The following ANKLE2 variants were observed in gnomAD, a reference collection of about 807,000 sequenced individuals.
ANKLE2 encodes ankyrin repeat and LEM domain-containing protein 2.
A neutral mutation model predicts 84.2 loss-of-function variants in ANKLE2; 55 were observed. That is an observed-to-expected ratio of 0.65 (90% CI 0.53 to 0.82). The LOEUF (loss-of-function observed/expected upper bound fraction) is 0.82, where lower values mean the gene tolerates loss of function less well. ANKLE2 is among the 40% of genes least tolerant of loss of function. The probability of loss-of-function intolerance (pLI) is 0.00; values close to 1 mark genes in which losing one functional copy is unlikely to be tolerated. For synonymous variants in ANKLE2, 551 were observed against 486.1 expected (o/e 1.13, Z -1.76); for missense variants, 1,238 against 1,201.9 (o/e 1.03, Z -0.44).
chr12:132,735,179 G>A (rs2043982987), intron 9 of ANKLE2: 1 of 552,292 alleles, frequency 1.8e-6, no homozygotes, highest in Non-Finnish European at 3.2e-6. Flanking sequence ...ATTCCAATTA[G>A]AAAAGGAAAG....
In ANKLE2 at chr12:132,727,299, G is replaced by A. The variant is rs752553603; in HGVS notation, c.2760C>T (p.Pro920=). The A allele has an allele frequency of 2.6e-5, 40 of 1,566,096 alleles. No homozygotes were observed. The highest frequency in any genetic ancestry group is 4.7e-5 in the South Asian group (4 of 85,030). Residue 920 remains proline (P), a synonymous_variant, in exon 13 of 13, where the codon CCC becomes CCT. Transcript: ENST00000357997. The stretch of plus-strand genomic sequence containing the variant: ...TCCTGCGGAGCTGGCTCCCGTGCAC[G>A]GGGCTGTAGCGCCCAGGACTGCCCA... The part of the protein sequence containing the change: ...PGLGSPGRYS[P]VHGSQLRRMA...
chr12:132,733,232 T>C (rs12306408), intron 10 of ANKLE2, among the ~76,000 whole-genome samples: 9,434 of 116,090 alleles, frequency 0.081, 404 homozygotes, highest in East Asian at 0.37. Context: ...TGGTGTCTGA[T>C]ATGCACCGTG....
chr12:132,735,738 C>A lies in ANKLE2; in HGVS notation c.1594-226G>T, dbSNP rs543046377. Among the ~76,000 whole-genome samples, 15 of 151,680 alleles carry A rather than the reference C, an allele frequency of 9.9e-5. No homozygotes were observed. In the South Asian group the frequency reaches 2.9e-3, roughly 29 times the overall value. The stretch of plus-strand genomic sequence containing the variant: ...GGGGAGGCGGTCTCCTTTCTTGCAG[C>A]CCCGTCTGGGCTGTGAGGTTCAGAA... On this transcript the variant is annotated intron_variant, in intron 8 of 12. Transcript: ENST00000357997.
intron 8 of ANKLE2, among the ~76,000 whole-genome samples, chr12:132,735,922 C>T (rs927919390): frequency 5.3e-5 from 8 of 152,222 alleles, no homozygotes; most frequent in African/African-American, 1.9e-4. Flanking sequence ...TCTCACCTAA[C>T]CTTACCTGAT....
intron 10 of ANKLE2, 166 bp downstream of exon 10, chr12:132,734,219 T>C: frequency 1.3e-6 from 1 of 749,840 alleles, no homozygotes; most frequent in Non-Finnish European, 2.1e-6. Flanking sequence ...CACTCCAGCT[T>C]GGGTAACAAA....
intron 2 of ANKLE2, among the ~76,000 whole-genome samples, chr12:132,753,544 T>A (rs2044406591): frequency 6.6e-6 from 1 of 152,018 alleles, no homozygotes; most frequent in African/African-American, 2.4e-5. Flanking sequence ...GGTGGGCAGA[T>A]CACGACGTCA....
At chr12:132,733,944 T>A in intron 10 of ANKLE2, 1 of 457,008 alleles carries the variant, frequency 2.2e-6, no homozygotes, top group Non-Finnish European at 4.4e-6. Context: ...CTCAAAGCGA[T>A]GCCATTATTT....
At chr12:132,742,778 CACT>C (rs111677193) in intron 6 of ANKLE2, among the ~76,000 whole-genome samples, 181 of 151,862 alleles carry the variant, frequency 1.2e-3, no homozygotes, top group South Asian at 1.9e-3. Context: ...CCATCATCCT[CACT>C]ACCACCATCA....
Position 132,761,622 on chromosome 12 carries a change from G to A in ANKLE2, c.177C>T (p.Ala59=). The A allele has an allele frequency of 8.0e-7, 1 of 1,256,380 alleles. No individual in the cohort carries two copies. Among genetic ancestry groups the A allele is most frequent in the Non-Finnish European group, 1.0e-6 (1 of 1,000,612 alleles). The allele number at this position is 1,256,380 out of a possible 1,614,324, so 77.8% of individuals were successfully genotyped here. ...CAGCGACCGCCTGGGCCTTACCTGA[G>A]GCGGGGGCGGCGGCCGCGCTTGGCG... ...VPPPSAAAAP[A]SGEMTMDALL... The change falls in exon 1 of 13, where the codon GCC becomes GCT. Residue 59 remains alanine (A), a synonymous_variant. Coordinates refer to ENST00000357997, the MANE Select transcript of ANKLE2 (RefSeq NM_015114.3).
rs1447059895 is a variant in ANKLE2 at position 132,761,822 on chromosome 12, C to T, written c.-24G>A. On this transcript the variant is annotated 5_prime_UTR_variant, in exon 1 of 13. Coordinates refer to ENST00000357997, the MANE Select transcript of ANKLE2 (RefSeq NM_015114.3). ...ATCGCCGCCGCCCGGGCCGCAGCCG[C>T]CGAGAAGCCCGCGCCCCGCGCCGCG... 3 of 1,002,542 alleles carry T rather than the reference C, an allele frequency of 3.0e-6. No homozygotes were observed. Among genetic ancestry groups the T allele is most frequent in the Non-Finnish European group, 3.6e-6 (3 of 843,364 alleles). The allele number at this position is 1,002,542 out of a possible 1,614,324, so 62.1% of individuals were successfully genotyped here.
At chr12:132,728,756 C>G (rs1488945881) in intron 11 of ANKLE2, among the ~76,000 whole-genome samples, 1 of 152,220 alleles carries the variant, frequency 6.6e-6, no homozygotes, top group Non-Finnish European at 1.5e-5. Context: ...CGCCTGCATT[C>G]TCTATGGTAG....
chr12:132,759,760 A>G (rs1268370541), intron 1 of ANKLE2: 2 of 151,980 alleles, frequency 1.3e-5, no homozygotes, highest in African/African-American at 4.8e-5. Context: ...CACTTACCCA[A>G]CTCCCAAAAA....
chr12:132,746,493 T>A (rs1248746885), intron 5 of ANKLE2, among the ~76,000 whole-genome samples: 1 of 152,174 alleles, frequency 6.6e-6, no homozygotes, highest in Admixed American at 6.5e-5. Context: ...ACCTGTTCCA[T>A]GAGTTTTTAT....
chr12:132,745,893 G>A (rs1422894257), intron 5 of ANKLE2, among the ~76,000 whole-genome samples: 1 of 152,260 alleles, frequency 6.6e-6, no homozygotes. Context: ...TCCACAAGGA[G>A]ACGTGGCTAC....
At chr12:132,759,006 G>GTATCAGTGTGCAAGTTTAA (rs2044547139) in intron 1 of ANKLE2, 2 of 133,328 alleles carry the variant, frequency 1.5e-5, no homozygotes, top group Non-Finnish European at 1.6e-5. Context: ...GCACCCCGGG[G>GTATCAGTGTGCAAGTTTAA]CACCCACGTG....
chr12:132,736,987 G>C lies in ANKLE2; in HGVS notation c.1499C>G (p.Thr500Arg). 6.2e-7 allele frequency: 1 copy of C among 1,613,828 alleles called. No individual in the cohort carries two copies. The highest frequency in any genetic ancestry group is 8.5e-7 in the Non-Finnish European group (1 of 1,179,864). The change falls in exon 8 of 13, where the codon ACG becomes AGG. Residue 500 changes from threonine (T) to arginine (R), a missense_variant. Around this residue, in one of 3 missense-constraint regions of ANKLE2, gnomAD observed 802 missense variants for 774.5 expected, o/e 1.04. Transcript: ENST00000357997. The stretch of plus-strand genomic sequence containing the variant: ...GCGGCTGACGTGAGAGGCCTCAGCC[G>C]TCTGGTCTGGGGACCACAGCTCCCC... ...VIGELWSPDQTAEASHVSRYG... is the reference protein window; with the variant it reads ...VIGELWSPDQRAEASHVSRYG...
intron 12 of ANKLE2, among the ~76,000 whole-genome samples, chr12:132,727,677 C>T (rs1299979968): frequency 2.0e-5 from 3 of 151,098 alleles, no homozygotes; most frequent in Admixed American, 6.6e-5. Context: ...ACCCTGGCAC[C>T]GTGGGCACAT....
At chr12:132,727,562 G>A in intron 12 of ANKLE2, 119 bp from the exon 13 acceptor site, 2 of 966,752 alleles carry the variant, frequency 2.1e-6, no homozygotes, top group Non-Finnish European at 3.0e-6. Flanking sequence ...GAGAGGCACT[G>A]GTGAACCCTG....
At chr12:132,734,883 G>A (rs773494652) in intron 9 of ANKLE2, 61 of 365,516 alleles carry the variant, frequency 1.7e-4, no homozygotes, top group Middle Eastern at 7.4e-4. Context: ...TCCCACAGAC[G>A]GACGTGTTCA....
Sources: gnomAD v4.1 joint callset for allele counts (sites outside exome capture counted in the v4.1 genomes callset) on GRCh38, gnomAD v4.1.1 for gene constraint, gnomAD v4.1.1 regional missense constraint, MANE v1.5 for transcripts, NCBI Gene and HGNC (gene_info 2026-07-23, HGNC 2026-07-21) for gene names.